DCUN1D1: variants seen among roughly 807,000 people sequenced by gnomAD.
DCUN1D1 encodes the protein defective in cullin neddylation 1 domain containing 1, also known as DCN1-like protein 1.
DCUN1D1 carries 3 observed loss-of-function variants against 39.0 expected under a neutral mutation model. The observed-to-expected ratio is 0.08, with a 90% confidence interval of 0.04 to 0.20. DCUN1D1 has a LOEUF of 0.20. Ranked by LOEUF, DCUN1D1 falls within the 10% of genes least tolerant of loss-of-function variation. The pLI is 1.00. For synonymous variants in DCUN1D1, 82 were observed against 96.3 expected (o/e 0.85, Z 0.87); for missense variants, 158 against 302.4 (o/e 0.52, Z 3.54).
intron 4 of DCUN1D1, chr3:182,956,210 A>C: frequency 3.8e-6 from 1 of 259,858 alleles, no homozygotes; most frequent in Non-Finnish European, 7.8e-6. Flanking sequence ...TATAGGCGTG[A>C]GCCACCATGC....
chr3:182,939,384 C>T lies in DCUN1D1; in HGVS notation c.*5710G>A, dbSNP rs1242293007. ...GGAATCTGAGATGAAAACATGTCCA[C>T]ACAAAGACATTTATGAATGTTCATA... On this transcript the variant is annotated 3_prime_UTR_variant, in exon 7 of 7. Coordinates refer to ENST00000292782, the MANE Select transcript of DCUN1D1 (RefSeq NM_020640.4). 6.6e-6 allele frequency: 1 copy of T among 152,128 alleles called. No individual in the cohort carries two copies. The highest frequency in any genetic ancestry group is 1.5e-5 in the Non-Finnish European group (1 of 68,030). The allele number at this position is 152,128 out of a possible 1,614,324, so 9.4% of individuals were successfully genotyped here. A position where few individuals can be genotyped will look rare whatever the true frequency, so the allele number is the denominator to read the frequency against.
intron 4 of DCUN1D1, among the ~76,000 whole-genome samples, chr3:182,948,614 T>C (rs980460838): frequency 5.9e-5 from 9 of 152,214 alleles, no homozygotes; most frequent in African/African-American, 1.9e-4. Context: ...AATTTACTTC[T>C]CCAGCACAAG....
At chr3:182,981,589 G>T (rs551618761), upstream of DCUN1D1, among the ~76,000 whole-genome samples, 11 of 142,898 alleles carry the variant, frequency 7.7e-5, no homozygotes, top group African/African-American at 3.4e-4. Context: ...AACTCACTCA[G>T]AAAGTCACAT....
intron 6 of DCUN1D1, 46 bp downstream of exon 6, chr3:182,947,192 A>T: frequency 9.5e-7 from 1 of 1,050,922 alleles, no homozygotes; most frequent in Non-Finnish European, 1.4e-6. Context: ...GGTATGGGAT[A>T]AAAAGGCACA....
rs530628397 is a variant in DCUN1D1 at position 182,942,159 on chromosome 3, A to G, written c.*2935T>C. 3.3e-5 allele frequency: 5 copies of G among 152,264 alleles called. No homozygotes were observed. Among genetic ancestry groups the G allele is most frequent in the Non-Finnish European group, 7.4e-5 (5 of 67,982 alleles). The allele number at this position is 152,264 out of a possible 1,614,324, so 9.4% of individuals were successfully genotyped here. A position where few individuals can be genotyped will look rare whatever the true frequency, so the allele number is the denominator to read the frequency against. On this transcript the variant is annotated 3_prime_UTR_variant, in exon 7 of 7. Coordinates refer to ENST00000292782, the MANE Select transcript of DCUN1D1 (RefSeq NM_020640.4). ...AGGAAGGACATGTACTTATAATGCC[A>G]TATTATGCAAGTACAGTATTGTTAA... is the stretch of plus-strand genomic sequence containing the variant.
chr3:182,961,114 G>T, intron 4 of DCUN1D1, 112 bp downstream of exon 4: 1 of 767,232 alleles, frequency 1.3e-6, no homozygotes, highest in Non-Finnish European at 2.0e-6. Context: ...TTCAATAACT[G>T]GTATTTTCAT....
In DCUN1D1 at chr3:182,977,744, T is replaced by G. The variant is rs571074255; in HGVS notation, c.3+2743A>C. On this transcript the variant is annotated intron_variant, in intron 1 of 6. Transcript: ENST00000292782. ...CCACTGCACTCAGCCGAACACTTTT[T>G]AAAAATATGTTTCAGGCTGGCGTGG... is the stretch of plus-strand genomic sequence containing the variant. Among the ~76,000 whole-genome samples, 18 of 151,966 alleles carry G rather than the reference T, an allele frequency of 1.2e-4. No individual in the cohort carries two copies. The East Asian group carries it at 3.1e-3, about 27-fold the overall frequency.
chr3:182,962,252 T>G (rs1727435789), intron 3 of DCUN1D1, among the ~76,000 whole-genome samples: 1 of 152,214 alleles, frequency 6.6e-6, no homozygotes, highest in South Asian at 2.1e-4. Context: ...AAGGACATAG[T>G]GTCCAGGCCA....
intron 1 of DCUN1D1, among the ~76,000 whole-genome samples, chr3:182,979,608 C>T (rs369067718): frequency 3.4e-5 from 5 of 148,312 alleles, no homozygotes; most frequent in African/African-American, 1.2e-4. Context: ...TTTCCCCCCC[C>T]CAAACAAAAA....
intron 1 of DCUN1D1, among the ~76,000 whole-genome samples, chr3:182,970,994 G>C (rs978516965): frequency 6.6e-6 from 1 of 152,178 alleles, no homozygotes; most frequent in Non-Finnish European, 1.5e-5. Context: ...GTCAGAATAG[G>C]AATCTAGGTA....
At chr3:182,951,391 T>A (rs964966659) in intron 4 of DCUN1D1, among the ~76,000 whole-genome samples, 7 of 151,884 alleles carry the variant, frequency 4.6e-5, no homozygotes, top group African/African-American at 1.7e-4. Context: ...AAAATAAGAA[T>A]TTGACAAAAG....
chr3:182,968,072 G>A (rs1315745683), intron 1 of DCUN1D1, among the ~76,000 whole-genome samples: 10 of 152,038 alleles, frequency 6.6e-5, no homozygotes, highest in Non-Finnish European at 1.3e-4. Flanking sequence ...TGGAAATTAC[G>A]TAGGTTTTTT....
At chr3:182,963,831 T>C (rs1167102458) in intron 3 of DCUN1D1, 50 bp downstream of exon 3, 4 of 1,444,484 alleles carry the variant, frequency 2.8e-6, no homozygotes, top group Non-Finnish European at 3.8e-6. Context: ...CATGACATAA[T>C]TCAGTTCCAC....
chr3:182,968,404 T>C (rs2108383853), intron 1 of DCUN1D1, among the ~76,000 whole-genome samples: 1 of 152,198 alleles, frequency 6.6e-6, no homozygotes, highest in African/African-American at 2.4e-5. Flanking sequence ...CTTAAGTCAT[T>C]TCTACAAGCC....
Position 182,956,451 on chromosome 3 carries a change from G to C in DCUN1D1, c.520+4775C>G, listed in dbSNP as rs1727070506. On this transcript the variant is annotated intron_variant, in intron 4 of 6. Transcript: ENST00000292782. ...GTGGAGTCATAAGGCCTGAGATCTA[G>C]TCTCAGTGCCAGTCCAACCACTCTC... The C allele has an allele frequency of 2.4e-5, 4 of 164,030 alleles. No homozygotes were observed. The South Asian group carries it at 6.1e-4, about 25-fold the overall frequency. The allele number at this position is 164,030 out of a possible 1,614,324, so 10.2% of individuals were successfully genotyped here.
upstream of DCUN1D1, among the ~76,000 whole-genome samples, chr3:182,982,538 T>G (rs1330328789): frequency 6.6e-6 from 1 of 152,212 alleles, no homozygotes; most frequent in African/African-American, 2.4e-5. Context: ...CCACCACTCT[T>G]CCTGCCTCAT....
chr3:182,950,327 T>C (rs1726646582), intron 4 of DCUN1D1, among the ~76,000 whole-genome samples: 1 of 152,042 alleles, frequency 6.6e-6, no homozygotes, highest in African/African-American at 2.4e-5. Flanking sequence ...TTTGTATTTT[T>C]AGTAGAGACG....
At chr3:182,954,744 G>A (rs538816109) in intron 4 of DCUN1D1, among the ~76,000 whole-genome samples, 1 of 152,286 alleles carries the variant, frequency 6.6e-6, no homozygotes, top group Admixed American at 6.5e-5. Context: ...TGAGGCTTTT[G>A]CTATGAGTCA....
chr3:182,984,282 A>G (rs1482079233), upstream of DCUN1D1, among the ~76,000 whole-genome samples: 1 of 152,242 alleles, frequency 6.6e-6, no homozygotes, highest in East Asian at 1.9e-4. Flanking sequence ...TGTGAAATGG[A>G]GAATTATTAC....
Sources: allele counts gnomAD v4.1 joint callset (sites outside exome capture counted in the v4.1 genomes callset), GRCh38; gene constraint gnomAD v4.1.1; transcripts MANE v1.5; gene names NCBI Gene and HGNC (gene_info 2026-07-23, HGNC 2026-07-21).